The following LRP6 variants were observed in gnomAD, a reference collection of about 807,000 sequenced individuals.
LRP6 encodes LDL receptor related protein 6, also known as low-density lipoprotein receptor-related protein 6.
LRP6 carries 43 observed loss-of-function variants against 184.1 expected under a neutral mutation model. The observed-to-expected ratio is 0.23, with a 90% CI of 0.18 to 0.30. LRP6 has a LOEUF of 0.30. LRP6 is among the 10% of genes least tolerant of loss of function. The pLI, the probability that LRP6 is intolerant of heterozygous loss-of-function variation, is 1.00. For synonymous variants in LRP6, 719 were observed against 684.9 expected (o/e 1.05, Z -0.78); for missense variants, 1,571 against 2,005.3 (o/e 0.78, Z 4.14).
At position 12,178,983 on chromosome 12, in the gene LRP6, G is replaced by A. The variant is rs142068677; in HGVS notation, c.1545+827C>T. 7.1e-3 allele frequency among the ~76,000 whole-genome samples: 1,085 copies of A among 152,252 alleles called. 7 individuals carry two copies. Among genetic ancestry groups the A allele is most frequent in the African/African-American group, 0.025 (1,028 of 41,542 alleles). On this transcript the variant is annotated intron_variant, in intron 7 of 22. Transcript: ENST00000261349. ...GATGTGTACAGTGTCTCTCTGAAGA[G>A]CCATTTAAAGCCATCCTTGTATGTG... is the stretch of plus-strand genomic sequence containing the variant.
Position 12,121,121 on chromosome 12 carries a change from C to T in LRP6, c.*5G>A. The T allele has an allele frequency of 6.3e-7, 1 of 1,586,406 alleles. No individual in the cohort carries two copies. Among genetic ancestry groups the T allele is most frequent in the Non-Finnish European group, 8.6e-7 (1 of 1,163,116 alleles). ...TGGAGGCAGTCAGAGGAGGAGGGCC[C>T]CTCCTCAGGAGGAGTCTGTACAGGG... On this transcript the variant is annotated 3_prime_UTR_variant, in exon 23 of 23. Transcript: ENST00000261349.
chr12:12,165,439 G>C (rs1435382301), intron 7 of LRP6, 144 bp from the exon 8 acceptor site: 1 of 689,404 alleles, frequency 1.5e-6, no homozygotes, highest in East Asian at 2.7e-5. Context: ...ATTACATGAT[G>C]ATTTTATAAA....
intron 3 of LRP6, among the ~76,000 whole-genome samples, chr12:12,194,654 C>T (rs2137022065): frequency 6.6e-6 from 1 of 152,050 alleles, no homozygotes; most frequent in Middle Eastern, 3.4e-3. Flanking sequence ...AGCAATGTTG[C>T]AATATATATA....
At chr12:12,257,953 AGT>A (rs1396491315) in intron 1 of LRP6, among the ~76,000 whole-genome samples, 1 of 150,872 alleles carries the variant, frequency 6.6e-6, no homozygotes, top group African/African-American at 2.4e-5. Flanking sequence ...TAGGAAACAC[AGT>A]GAGACCCTGT....
At chr12:12,123,778 C>A (rs974819065) in intron 22 of LRP6, among the ~76,000 whole-genome samples, 1 of 152,188 alleles carries the variant, frequency 6.6e-6, no homozygotes, top group African/African-American at 2.4e-5. Context: ...TTATTTATTT[C>A]AATCTTTCTT....
At chr12:12,125,699 A>G (rs184869322) in intron 20 of LRP6, among the ~76,000 whole-genome samples, 203 of 152,308 alleles carry the variant, frequency 1.3e-3, no homozygotes, top group African/African-American at 4.5e-3. Context: ...AAGCAGAGCT[A>G]TTTAAAATAA....
chr12:12,151,618 C>T (rs1248193039), intron 12 of LRP6, among the ~76,000 whole-genome samples: 2 of 152,078 alleles, frequency 1.3e-5, no homozygotes, highest in South Asian at 2.1e-4. Context: ...TGAGTTGCTA[C>T]AAGAATTTTA....
chr12:12,158,594 G>C (rs955775803), intron 12 of LRP6, among the ~76,000 whole-genome samples: 1 of 151,990 alleles, frequency 6.6e-6, no homozygotes, highest in Non-Finnish European at 1.5e-5. Flanking sequence ...CAAAGTGCTG[G>C]GTTACGGACA....
intron 2 of LRP6, 44 bp downstream of exon 2, chr12:12,244,218 C>T (rs1310426013): frequency 3.1e-6 from 5 of 1,607,656 alleles, no homozygotes; most frequent in South Asian, 1.1e-5. Flanking sequence ...GGAGAAAAAC[C>T]GAAAGGAGGT....
chr12:12,245,519 G>C (rs1865162035), intron 1 of LRP6, among the ~76,000 whole-genome samples: 2 of 152,114 alleles, frequency 1.3e-5, no homozygotes, highest in South Asian at 4.1e-4. Flanking sequence ...GGTTTCGGAG[G>C]TGTAAACATG....
rs1178632380 is a variant in LRP6, at chr12:12,119,703, G to A, written c.*1423C>T. On this transcript the variant is annotated 3_prime_UTR_variant, in exon 23 of 23. Transcript: ENST00000261349. ...AACTATCTTAATCCATAATGGGTAA[G>A]AGAGGACCCACATAAAAATATTGGG... The A allele has an allele frequency of 1.3e-5, 2 of 152,096 alleles. No individual in the cohort carries two copies. Among genetic ancestry groups the A allele is most frequent in the African/African-American group, 4.8e-5 (2 of 41,392 alleles). The allele number at this position is 152,096 out of a possible 1,614,324, so 9.4% of individuals were successfully genotyped here.
At chr12:12,170,793 A>T (rs578017706) in intron 7 of LRP6, among the ~76,000 whole-genome samples, 3 of 10,822 alleles carry the variant, frequency 2.8e-4, no homozygotes, top group African/African-American at 1.2e-3. Context: ...AAATTACTTC[A>T]CACACACACA....
intron 1 of LRP6, among the ~76,000 whole-genome samples, chr12:12,252,469 T>C (rs1255904094): frequency 1.3e-5 from 2 of 152,234 alleles, no homozygotes; most frequent in Non-Finnish European, 2.9e-5. Flanking sequence ...TAAGTTTAAG[T>C]TAAATTTGTA....
At chr12:12,227,769 G>A (rs1189831077) in intron 2 of LRP6, among the ~76,000 whole-genome samples, 1 of 152,112 alleles carries the variant, frequency 6.6e-6, no homozygotes. Context: ...ACAGCACAGT[G>A]TAGTCAATGA....
chr12:12,187,391 A>T, intron 3 of LRP6: 1 of 461,354 alleles, frequency 2.2e-6, no homozygotes, highest in South Asian at 2.2e-5. Flanking sequence ...CGGCAGAGAG[A>T]GAGCACTGCT....
At chr12:12,147,714 G>A (rs1047293884) in intron 14 of LRP6, among the ~76,000 whole-genome samples, 158 bp from the exon 15 acceptor site, 2 of 152,290 alleles carry the variant, frequency 1.3e-5, no homozygotes, top group Admixed American at 6.5e-5. Context: ...GCTCATGCCT[G>A]TAATCTCAGC....
chr12:12,150,726 A>G (rs1408445118), intron 13 of LRP6, 110 bp downstream of exon 13: 24 of 1,131,982 alleles, frequency 2.1e-5, no homozygotes, highest in Middle Eastern at 2.8e-4. Flanking sequence ...TCAGTTTCAT[A>G]CACACATACA....
intron 3 of LRP6, among the ~76,000 whole-genome samples, chr12:12,196,302 T>C (rs1017188496): frequency 9.9e-5 from 15 of 152,048 alleles, no homozygotes; most frequent in African/African-American, 3.4e-4. Flanking sequence ...TCATTTTAAC[T>C]ATAATAATTA....
chr12:12,159,246 G>A lies in LRP6; in HGVS notation c.2465-91C>T, dbSNP rs564388814. The A allele has an allele frequency of 1.7e-4, 150 of 893,908 alleles. No homozygotes were observed. In the African/African-American group the frequency reaches 2.4e-3, roughly 14 times the overall value. 55.4% of individuals were successfully genotyped at this position (893,908 alleles called of 1,614,324 possible). On this transcript the variant is annotated intron_variant, in intron 11 of 22. Transcript: ENST00000261349. Reference sequence around the variant, plus strand: ...CTTGCTGGCAAAAAGAAAAAAAAAAGCCCTAACATATAAAACATTACATTG... The same window carrying A: ...CTTGCTGGCAAAAAGAAAAAAAAAAACCCTAACATATAAAACATTACATTG...
Sources: gnomAD v4.1 joint callset for allele counts (sites outside exome capture counted in the v4.1 genomes callset) on GRCh38, gnomAD v4.1.1 for gene constraint, MANE v1.5 for transcripts, NCBI Gene and HGNC (gene_info 2026-07-23, HGNC 2026-07-21) for gene names.